PTPRD: variants seen among roughly 807,000 people sequenced by gnomAD.
The protein encoded by PTPRD is receptor-type tyrosine-protein phosphatase delta.
A neutral mutation model predicts 214.5 loss-of-function variants in PTPRD; 34 were observed. The ratio of observed to expected loss-of-function variants is 0.16; its 90% confidence interval spans 0.12 to 0.21. The LOEUF (loss-of-function observed/expected upper bound fraction) is 0.21. Among genes scored for constraint, PTPRD ranks in the 10% least tolerant of loss-of-function variants. The pLI is 1.00. For missense variants in PTPRD, 2,545 were observed against 2,398.7 expected (o/e 1.06, Z -1.27); for synonymous variants, 1,128 against 845.7 (o/e 1.33, Z -5.79).
chr9:8,894,238 C>G (rs2098579052), intron 11 of PTPRD, among the ~76,000 whole-genome samples: 2 of 151,116 alleles, frequency 1.3e-5, no homozygotes, highest in African/African-American at 4.9e-5. Context: ...GCCTGTAATC[C>G]CAGCTACTCA....
chr9:10,367,152 A>C (rs2097532416), intron 2 of PTPRD, among the ~76,000 whole-genome samples: 1 of 152,062 alleles, frequency 6.6e-6, no homozygotes, highest in Non-Finnish European at 1.5e-5. Context: ...AATGTAGAGT[A>C]GCTATTCCTT....
intron 10 of PTPRD, among the ~76,000 whole-genome samples, chr9:9,142,455 C>T (rs1171134729): frequency 6.6e-6 from 1 of 152,182 alleles, no homozygotes; most frequent in Non-Finnish European, 1.5e-5. Flanking sequence ...TAAGTGGTTG[C>T]CATCAGCAAC....
intron 2 of PTPRD, among the ~76,000 whole-genome samples, chr9:10,374,499 C>T (rs899514670): frequency 1.3e-4 from 20 of 151,982 alleles, no homozygotes; most frequent in African/African-American, 3.4e-4. Flanking sequence ...AACTTGCCCA[C>T]GGAATAACTG....
chr9:9,464,212 G>C (rs980257689), intron 8 of PTPRD, among the ~76,000 whole-genome samples: 5 of 151,978 alleles, frequency 3.3e-5, no homozygotes, highest in Non-Finnish European at 5.9e-5. Context: ...ACTGAACTCT[G>C]GCATTTTGGT....
chr9:9,229,879 T>C (rs2099961988), intron 9 of PTPRD, among the ~76,000 whole-genome samples: 2 of 152,128 alleles, frequency 1.3e-5, no homozygotes, highest in African/African-American at 4.8e-5. Flanking sequence ...TTACATTAAA[T>C]ACAGAAATTA....
intron 2 of PTPRD, among the ~76,000 whole-genome samples, chr9:10,557,245 T>C (rs1055004800): frequency 6.6e-6 from 1 of 152,108 alleles, no homozygotes; most frequent in African/African-American, 2.4e-5. Flanking sequence ...TCTGCTTCTC[T>C]TTTTCTCTGT....
At chr9:8,549,274 A>G (rs975723647) in intron 14 of PTPRD, among the ~76,000 whole-genome samples, 7 of 152,200 alleles carry the variant, frequency 4.6e-5, no homozygotes, top group African/African-American at 1.7e-4. Context: ...ATGGGGTAAG[A>G]GTCAGTGTCA....
At chr9:9,138,518 G>A (rs2099854624) in intron 10 of PTPRD, among the ~76,000 whole-genome samples, 1 of 152,044 alleles carries the variant, frequency 6.6e-6, no homozygotes, top group African/African-American at 2.4e-5. Flanking sequence ...TATTTTAAAG[G>A]TGACTTGTGA....
At chr9:9,091,948 G>A (rs141486974) in intron 10 of PTPRD, among the ~76,000 whole-genome samples, 108 of 152,250 alleles carry the variant, frequency 7.1e-4, no homozygotes, top group African/African-American at 2.6e-3. Flanking sequence ...CCTTCTATCT[G>A]CCAGGATTAG....
At chr9:10,093,720 A>G (rs2098455527) in intron 3 of PTPRD, among the ~76,000 whole-genome samples, 2 of 151,482 alleles carry the variant, frequency 1.3e-5, no homozygotes, top group African/African-American at 4.8e-5. Context: ...GGATCGGATA[A>G]ACAAAATTTG....
At chr9:9,613,863 C>A (rs2094689850) in intron 7 of PTPRD, among the ~76,000 whole-genome samples, 1 of 152,114 alleles carries the variant, frequency 6.6e-6, no homozygotes, top group Non-Finnish European at 1.5e-5. Flanking sequence ...ATATAAATCT[C>A]TACTTTAACC....
chr9:8,974,016 C>G (rs2099254164), intron 11 of PTPRD, among the ~76,000 whole-genome samples: 1 of 152,068 alleles, frequency 6.6e-6, no homozygotes, highest in South Asian at 2.1e-4. Context: ...GGTCTGCTTA[C>G]TCTGTCCATA....
At chr9:9,334,455 T>C (rs562088852) in intron 9 of PTPRD, among the ~76,000 whole-genome samples, 4 of 152,076 alleles carry the variant, frequency 2.6e-5, no homozygotes, top group African/African-American at 9.6e-5. Flanking sequence ...GGGGATTTCA[T>C]AATAGTTTCC....
intron 8 of PTPRD, among the ~76,000 whole-genome samples, chr9:9,571,796 T>A (rs73388905): frequency 0.022 from 3,274 of 151,122 alleles, 97 homozygotes; most frequent in African/African-American, 0.067. Context: ...TAACTACATA[T>A]CAATGTATTA....
At chr9:8,332,653 G>A (rs1842613563) in intron 43 of PTPRD, among the ~76,000 whole-genome samples, 1 of 100,400 alleles carries the variant, frequency 1.0e-5, no homozygotes, top group South Asian at 2.5e-4. Flanking sequence ...AGGCATTTCT[G>A]ATCTTCTGAT....
intron 16 of PTPRD, 76 bp from the exon 17 acceptor site, chr9:8,526,720 G>A: frequency 8.3e-7 from 1 of 1,200,948 alleles, no homozygotes. Context: ...CTAGGGCTGG[G>A]GAGAAGAATT....
chr9:10,454,555 A>T (rs1238358305), intron 2 of PTPRD, among the ~76,000 whole-genome samples: 1 of 151,706 alleles, frequency 6.6e-6, no homozygotes, highest in Non-Finnish European at 1.5e-5. Context: ...CTTTACTGAA[A>T]AGATACAAAC....
intron 5 of PTPRD, among the ~76,000 whole-genome samples, chr9:9,930,377 G>C (rs1020926260): frequency 6.6e-6 from 1 of 152,182 alleles, no homozygotes; most frequent in Non-Finnish European, 1.5e-5. Flanking sequence ...GGGAAGACAA[G>C]AACAGAGAAG....
At chr9:10,067,476 T>G (rs1334674582) in intron 3 of PTPRD, among the ~76,000 whole-genome samples, 5 of 151,970 alleles carry the variant, frequency 3.3e-5, no homozygotes, top group South Asian at 2.1e-4. Flanking sequence ...ATGTGGAAAC[T>G]TAGACACAGA....
Sources: allele counts gnomAD v4.1 joint callset (sites outside exome capture counted in the v4.1 genomes callset), GRCh38; gene constraint gnomAD v4.1.1; transcripts MANE v1.5; gene names NCBI Gene and HGNC (gene_info 2026-07-23, HGNC 2026-07-21).